CNTNAP3: variants seen among roughly 807,000 people sequenced by gnomAD.
CNTNAP3 encodes contactin-associated protein-like 3.
CNTNAP3 carries 36 observed loss-of-function variants against 92.1 expected under a neutral mutation model. That is an observed-to-expected ratio of 0.39 (90% CI 0.30 to 0.52). CNTNAP3 has a LOEUF of 0.52. CNTNAP3 is among the 20% of genes least tolerant of loss of function. CNTNAP3 has a pLI of 0.76. For missense variants in CNTNAP3, 534 were observed against 1,069.6 expected, an observed-to-expected ratio of 0.50 and a Z score of 6.98; for synonymous variants, 232 against 422.3, an observed-to-expected ratio of 0.55 and a Z score of 5.53.
At chr9:39,217,357 A>AGT (rs1277673846) in intron 3 of CNTNAP3, among the ~76,000 whole-genome samples, 1 of 3,022 alleles carries the variant, frequency 3.3e-4, no homozygotes, top group African/African-American at 5.1e-4. Context: ...TATTTACATG[A>AGT]GTATATATAT....
intron 18 of CNTNAP3, among the ~76,000 whole-genome samples, chr9:39,091,642 T>C (rs1438876484): frequency 1.3e-5 from 2 of 151,916 alleles, no homozygotes; most frequent in Admixed American, 1.3e-4. Flanking sequence ...TTAAATGATA[T>C]TGGTCTGTAG....
At chr9:39,117,622 G>T (rs1304090191) in intron 14 of CNTNAP3, among the ~76,000 whole-genome samples, 2 of 152,142 alleles carry the variant, frequency 1.3e-5, no homozygotes, top group Non-Finnish European at 2.9e-5. Context: ...ATGAGTGTGG[G>T]AAATTGTTGC....
At chr9:39,077,752 C>A (rs1485853326) in intron 23 of CNTNAP3, among the ~76,000 whole-genome samples, 2 of 152,198 alleles carry the variant, frequency 1.3e-5, no homozygotes, top group East Asian at 3.8e-4. Context: ...TTGTCATTAC[C>A]GTGACAAATA....
At chr9:39,134,066 T>C (rs1821366909) in intron 12 of CNTNAP3, among the ~76,000 whole-genome samples, 1 of 152,180 alleles carries the variant, frequency 6.6e-6, no homozygotes, top group Non-Finnish European at 1.5e-5. Flanking sequence ...GCCCTTCACA[T>C]CTCAGGATTT....
intron 13 of CNTNAP3, 96 bp from the exon 14 acceptor site, chr9:39,118,355 G>C: frequency 6.6e-7 from 1 of 1,522,488 alleles, no homozygotes; most frequent in Non-Finnish European, 8.9e-7. Context: ...AAGTGTATGT[G>C]TGAGAGACAG....
intron 18 of CNTNAP3, among the ~76,000 whole-genome samples, chr9:39,089,087 A>G (rs1201110066): frequency 6.6e-6 from 1 of 152,226 alleles, no homozygotes; most frequent in Non-Finnish European, 1.5e-5. Flanking sequence ...GTCTTTTAGT[A>G]TATTTGCAGG....
rs544650366 is a variant in CNTNAP3, at chr9:39,065,700, G to A, written c.*8190C>T. On this transcript the variant is annotated 3_prime_UTR_variant, in exon 24 of 24. Coordinates refer to ENST00000297668, the MANE Select transcript of CNTNAP3 (RefSeq NM_033655.5). ...GAATAACTCACTGTGGTTTTAATTT[G>A]CATTTCCTTAATGACAAAACGATAT... 4.7e-4 allele frequency among the ~76,000 whole-genome samples: 72 copies of A among 152,294 alleles called. No homozygotes were observed. The highest frequency in any genetic ancestry group is 1.7e-3 in the African/African-American group (69 of 41,548).
chr9:39,114,683 G>A (rs1820812530), intron 14 of CNTNAP3, among the ~76,000 whole-genome samples: 1 of 151,962 alleles, frequency 6.6e-6, no homozygotes, highest in African/African-American at 2.4e-5. Flanking sequence ...AATGAACAGA[G>A]TTTACTCATA....
chr9:39,144,305 TG>T lies in CNTNAP3; in HGVS notation c.1690del (p.Gln564SerfsTer11). 6.4e-7 allele frequency: 1 copy of T among 1,574,550 alleles called. No homozygotes were observed. The highest frequency in any genetic ancestry group is 8.6e-7 in the Non-Finnish European group (1 of 1,159,966). On this transcript the variant is annotated frameshift_variant, in exon 11 of 24. Coordinates refer to ENST00000297668, the MANE Select transcript of CNTNAP3 (RefSeq NM_033655.5). LOFTEE classifies it high-confidence loss of function. ...SYCEHGGECSQSWDTFSCDCL... is the reference protein window; with the variant it reads ...SYCEHGGECSXSWDTFSCDCL... ...GTCACAGGAGAAGGTGTCCCACGAC[TG>T]GGAACACTCGCCCCCATGCTCACAG...
At position 39,134,422 on chromosome 9, in the gene CNTNAP3, TATTTA is replaced by T. The variant is rs891133424; in HGVS notation, c.1877-1292_1877-1288del. ...TCTATTTTTTTTATTTTAGATTTTTTATTTAATTTATTTATTTTTGAGATAAGAGT... is the reference window on the plus strand; with the variant it reads ...TCTATTTTTTTTATTTTAGATTTTTTATTTATTTATTTTTGAGATAAGAGT... On this transcript the variant is annotated intron_variant, in intron 12 of 23. Transcript: ENST00000297668. Among the ~76,000 whole-genome samples the T allele has an allele frequency of 1.5e-4, 23 of 150,908 alleles. No homozygotes were observed. In the Middle Eastern group the frequency reaches 0.017, roughly 112 times the overall value.
intron 21 of CNTNAP3, among the ~76,000 whole-genome samples, chr9:39,083,837 T>C (rs147968261): frequency 0.19 from 27,745 of 145,808 alleles, 843 homozygotes; most frequent in East Asian, 0.3. Flanking sequence ...CAAAGCTATA[T>C]AGAAAATTCA....
In CNTNAP3 at chr9:39,065,525, T is replaced by C. The variant is rs945760005; in HGVS notation, c.*8365A>G. On this transcript the variant is annotated 3_prime_UTR_variant, in exon 24 of 24. Transcript: ENST00000297668. ...GTTGGGTCATAGGTTTCATGTATGC[T>C]TAATTATATAAAACAATGTTAAACA... 8.6e-5 allele frequency among the ~76,000 whole-genome samples: 13 copies of C among 151,588 alleles called. No individual in the cohort carries two copies. The highest frequency in any genetic ancestry group is 3.2e-4 in the African/African-American group (13 of 41,204).
At chr9:39,204,905 T>G (rs1822558164) in intron 3 of CNTNAP3, among the ~76,000 whole-genome samples, 1 of 53,164 alleles carries the variant, frequency 1.9e-5, no homozygotes, top group Non-Finnish European at 2.9e-5. Context: ...TTTTTTTAAC[T>G]AATTGACTTT....
rs542232277 is a variant in CNTNAP3, at chr9:39,109,360, T to A, written c.2238-73A>T. On this transcript the variant is annotated intron_variant, in intron 14 of 23. Coordinates refer to ENST00000297668, the MANE Select transcript of CNTNAP3 (RefSeq NM_033655.5). ...GGGCAAAATTAACTCTGATCTCTTA[T>A]CTCAATTTGAAACCAACATCATAGA... 43 of 1,583,712 alleles carry A rather than the reference T, an allele frequency of 2.7e-5. No homozygotes were observed. The African/African-American group carries it at 5.0e-4, about 18-fold the overall frequency.
chr9:39,102,823 C>A (rs1464480972), intron 16 of CNTNAP3, 108 bp from the exon 17 acceptor site: 1 of 1,313,794 alleles, frequency 7.6e-7, no homozygotes, highest in African/African-American at 1.5e-5. Context: ...GAGATAATGA[C>A]GGCGATGCAG....
At chr9:39,082,387 CTT>C (rs987537818) in intron 21 of CNTNAP3, among the ~76,000 whole-genome samples, 1 of 151,824 alleles carries the variant, frequency 6.6e-6, no homozygotes, top group African/African-American at 2.4e-5. Flanking sequence ...CGAAGAGAAT[CTT>C]GATGATAACT....
chr9:39,168,452 T>C (rs1449485920), intron 8 of CNTNAP3, among the ~76,000 whole-genome samples: 6 of 82,430 alleles, frequency 7.3e-5, no homozygotes, highest in Non-Finnish European at 1.2e-4. Flanking sequence ...CTCTACCCCA[T>C]CCCATGGAAT....
At chr9:39,075,222 G>A (rs1039016850) in intron 23 of CNTNAP3, among the ~76,000 whole-genome samples, 16 of 151,300 alleles carry the variant, frequency 1.1e-4, no homozygotes, top group African/African-American at 3.9e-4. Context: ...GAAACCATTA[G>A]CAGTGTCCAT....
intron 12 of CNTNAP3, 26 bp downstream of exon 12, chr9:39,140,493 T>C: frequency 6.2e-7 from 1 of 1,612,636 alleles, no homozygotes; most frequent in Non-Finnish European, 8.5e-7. Context: ...TATTCTGATA[T>C]ATGCATATAA....
Sources: allele counts gnomAD v4.1 joint callset (sites outside exome capture counted in the v4.1 genomes callset), GRCh38; gene constraint gnomAD v4.1.1; transcripts MANE v1.5; gene names NCBI Gene and HGNC (gene_info 2026-07-23, HGNC 2026-07-21).